The following RAB11FIP3 variants were observed in gnomAD, a reference collection of about 807,000 sequenced individuals.
RAB11FIP3 encodes rab11 family-interacting protein 3.
RAB11FIP3 carries 17 observed loss-of-function variants against 77.8 expected under a neutral mutation model. The ratio of observed to expected loss-of-function variants is 0.22; its 90% CI spans 0.15 to 0.33. The LOEUF (loss-of-function observed/expected upper bound fraction) is 0.33, where lower values mean the gene tolerates loss of function less well. Among genes scored for constraint, RAB11FIP3 ranks in the 10% least tolerant of loss-of-function variants. RAB11FIP3 has a pLI of 1.00. For missense variants in RAB11FIP3, 1,005 were observed against 1,011.2 expected (o/e 0.99, Z 0.08); for synonymous variants, 437 against 448.2 (o/e 0.98, Z 0.31).
At chr16:520,324 C>A in intron 12 of RAB11FIP3, 47 bp downstream of exon 12, 1 of 1,555,198 alleles carries the variant, frequency 6.4e-7, no homozygotes, top group Non-Finnish European at 8.7e-7. Context: ...CAGAAGCTTC[C>A]ACAAGACTGG....
chr16:426,587 C>G lies in RAB11FIP3; in HGVS notation c.581C>G (p.Pro194Arg). The G allele has an allele frequency of 6.3e-7, 1 of 1,597,174 alleles. No homozygotes were observed. Among genetic ancestry groups the G allele is most frequent in the African/African-American group, 1.4e-5 (1 of 74,026 alleles). The change falls in exon 1 of 14, where the codon CCG becomes CGG. Residue 194 changes from proline (P) to arginine (R), a missense_variant. Around this residue, in one of 4 missense-constraint regions of RAB11FIP3, gnomAD observed 466 missense variants for 408.3 expected, o/e 1.14. Coordinates refer to ENST00000262305, the MANE Select transcript of RAB11FIP3 (RefSeq NM_014700.4). The surrounding 1 kb of genome is among the most constrained non-coding windows in gnomAD (Gnocchi z 5.0). The stretch of plus-strand genomic sequence containing the variant: ...GACCTCAGCCAGACCCACCCCCTTC[C>G]GAGCGAGCCCGTGGGGAGTCAGGAG... ...PSDLSQTHPL[P>R]SEPVGSQEDG...
intron 1 of RAB11FIP3, among the ~76,000 whole-genome samples, chr16:442,421 G>A (rs1026835388): frequency 7.2e-5 from 11 of 152,202 alleles, no homozygotes; most frequent in African/African-American, 2.4e-5. Context: ...ATTCTGGAGC[G>A]TTATTAGAAC....
chr16:435,429 G>A (rs956296424), intron 1 of RAB11FIP3, among the ~76,000 whole-genome samples: 1 of 152,128 alleles, frequency 6.6e-6, no homozygotes, highest in Non-Finnish European at 1.5e-5. Flanking sequence ...AGTCTATTAT[G>A]TAGCTCATAA....
intron 5 of RAB11FIP3, among the ~76,000 whole-genome samples, chr16:490,255 C>T (rs757963627): frequency 2.6e-5 from 4 of 152,242 alleles, no homozygotes; most frequent in Non-Finnish European, 5.9e-5. Flanking sequence ...CCTTTGCCTT[C>T]GCGTCGCAGA....
At chr16:494,468 A>G (rs1332776030) in intron 5 of RAB11FIP3, among the ~76,000 whole-genome samples, 1 of 151,496 alleles carries the variant, frequency 6.6e-6, no homozygotes, top group East Asian at 2.0e-4. Context: ...TAAAAATATA[A>G]AAAATTAGCC....
chr16:503,455 C>G (rs1292369858), intron 7 of RAB11FIP3, among the ~76,000 whole-genome samples: 2 of 152,098 alleles, frequency 1.3e-5, no homozygotes, highest in Non-Finnish European at 2.9e-5. Flanking sequence ...ACCTGGGGCA[C>G]CCATGATTTG....
intron 8 of RAB11FIP3, among the ~76,000 whole-genome samples, chr16:508,733 G>A (rs2031991947): frequency 6.6e-6 from 1 of 152,172 alleles, no homozygotes; most frequent in Non-Finnish European, 1.5e-5. Context: ...GACTTCTGAA[G>A]TTATTTCACC....
chr16:463,524 C>T (rs574131093), intron 2 of RAB11FIP3, among the ~76,000 whole-genome samples: 13 of 151,302 alleles, frequency 8.6e-5, no homozygotes, highest in Admixed American at 2.6e-4. Flanking sequence ...CTGCAACCTC[C>T]GCCTCTCGGG....
chr16:474,475 C>T (rs948200227), intron 3 of RAB11FIP3, among the ~76,000 whole-genome samples: 7 of 151,990 alleles, frequency 4.6e-5, no homozygotes, highest in East Asian at 1.9e-4. Flanking sequence ...TGGACTGTGG[C>T]GCCGCTGAGT....
chr16:508,497 C>T (rs2141875851), intron 8 of RAB11FIP3, among the ~76,000 whole-genome samples: 1 of 152,336 alleles, frequency 6.6e-6, no homozygotes, highest in Non-Finnish European at 1.5e-5. Flanking sequence ...CCTCAGCCTC[C>T]CAAGTAGCTG....
At position 471,277 on chromosome 16, in the gene RAB11FIP3, G is replaced by C. The variant is rs778249791; in HGVS notation, c.809-18G>C. ...TGGCTATGGGTGGCCTGTTGAGCAC[G>C]AGGTCTTCTCCCTGCAGATCCTGAT... On this transcript the variant is annotated intron_variant, in intron 2 of 13. Transcript: ENST00000262305. This position sits in a 1 kb window ranked among gnomAD's most constrained non-coding sequence, Gnocchi z 4.4. The C allele has an allele frequency of 1.9e-6, 3 of 1,607,504 alleles. No individual in the cohort carries two copies. The highest frequency in any genetic ancestry group is 2.7e-5 in the African/African-American group (2 of 74,744).
chr16:500,756 T>C (rs370087192), intron 6 of RAB11FIP3, among the ~76,000 whole-genome samples: 80 of 148,458 alleles, frequency 5.4e-4, no homozygotes, highest in South Asian at 3.4e-3. Flanking sequence ...TGACCCATGC[T>C]GAGGACCCTC....
At chr16:446,167 C>G (rs2055313528) in intron 1 of RAB11FIP3, among the ~76,000 whole-genome samples, 1 of 151,962 alleles carries the variant, frequency 6.6e-6, no homozygotes. Flanking sequence ...TTACTGGAGC[C>G]CAAGAGTTTG....
chr16:492,473 GCCGC>G (rs2030585819), intron 5 of RAB11FIP3, among the ~76,000 whole-genome samples: 1 of 99,864 alleles, frequency 1.0e-5, no homozygotes, highest in Non-Finnish European at 2.0e-5. Flanking sequence ...GAGACCCGAG[GCCGC>G]CCAGGGCCCT....
intron 1 of RAB11FIP3, among the ~76,000 whole-genome samples, chr16:446,504 C>T (rs1296413644): frequency 6.6e-6 from 1 of 152,180 alleles, no homozygotes; most frequent in African/African-American, 2.4e-5. Flanking sequence ...GTGGGCAGTG[C>T]AGCTGGGGAG....
intron 1 of RAB11FIP3, among the ~76,000 whole-genome samples, chr16:442,361 GT>G (rs1196044937): frequency 1.3e-5 from 2 of 152,346 alleles, no homozygotes; most frequent in East Asian, 3.9e-4. Flanking sequence ...TCTTGGGGGA[GT>G]TTGGGCATGG....
chr16:491,071 C>CA, intron 5 of RAB11FIP3: 1 of 1,251,806 alleles, frequency 8.0e-7, no homozygotes, highest in Non-Finnish European at 1.1e-6. Flanking sequence ...GCCCCTCGTG[C>CA]GGAGTCACAG....
rs1218430605 is a variant in RAB11FIP3, at chr16:521,146, T to C, written c.*307T>C. ...AGAGCTTCCCAGCCCTGAGTCAAGC[T>C]GGCCATGAACGCGTACACTTCAGTT... On this transcript the variant is annotated 3_prime_UTR_variant, in exon 14 of 14. Transcript: ENST00000262305. 6.4e-6 allele frequency: 3 copies of C among 469,988 alleles called. No homozygotes were observed. Among genetic ancestry groups the C allele is most frequent in the Non-Finnish European group, 1.2e-5 (3 of 256,218 alleles). The allele number at this position is 469,988 out of a possible 1,614,324, so 29.1% of individuals were successfully genotyped here.
intron 3 of RAB11FIP3, among the ~76,000 whole-genome samples, chr16:475,596 G>A (rs544925700): frequency 6.6e-6 from 1 of 152,292 alleles, no homozygotes; most frequent in Non-Finnish European, 1.5e-5. Context: ...CAACCCGCAG[G>A]GCTGAATTGG....
Sources: allele counts gnomAD v4.1 joint callset (sites outside exome capture counted in the v4.1 genomes callset), GRCh38; gene constraint gnomAD v4.1.1; regional missense constraint gnomAD v4.1.1; non-coding constraint Gnocchi (gnomAD v3.1); transcripts MANE v1.5; gene names NCBI Gene and HGNC (gene_info 2026-07-23, HGNC 2026-07-21).